Variants in PLEKHG1 observed in about 807,000 individuals in gnomAD.
PLEKHG1 encodes the protein pleckstrin homology domain-containing family G member 1.
PLEKHG1 carries 44 observed loss-of-function variants against 100.8 expected under a neutral mutation model. The observed-to-expected ratio is 0.44, with a 90% CI of 0.34 to 0.56. PLEKHG1 has a LOEUF of 0.56. PLEKHG1 is among the 20% of genes least tolerant of loss of function. The pLI is 0.01. For missense variants in PLEKHG1, 1,545 were observed against 1,720.9 expected, an observed-to-expected ratio of 0.90 and a Z score of 1.81; for synonymous variants, 640 against 662.5, an observed-to-expected ratio of 0.97 and a Z score of 0.52.
In PLEKHG1 at chr6:150,600,683, G is replaced by A. The variant is rs376012066; in HGVS notation, c.-204+666G>A. ...CCTGGGCGGCCGCGACTCTGCGAGC[G>A]TTCTGGCCTCGGCGGGCGGCGGGGA... is the stretch of plus-strand genomic sequence containing the variant. On this transcript the variant is annotated intron_variant, in intron 1 of 3. Coordinates refer to the PLEKHG1 transcript ENST00000367326. This position sits in a 1 kb window ranked among gnomAD's most constrained non-coding sequence, Gnocchi z 6.2. Among the ~76,000 whole-genome samples the A allele has an allele frequency of 1.1e-3, 175 of 152,388 alleles. 2 individuals carry two copies. The South Asian group carries it at 0.03, about 26-fold the overall frequency.
chr6:150,839,898 A>G (rs1443929782), exon 16 of PLEKHG1: 2 of 1,614,076 alleles, frequency 1.2e-6, no homozygotes, highest in Non-Finnish European at 1.7e-6. Context: ...TCCCTTGAAA[A>G]TTCAGAAGGA....
At chr6:150,828,902 C>T (rs2128685935) in intron 14 of PLEKHG1, among the ~76,000 whole-genome samples, 1 of 152,136 alleles carries the variant, frequency 6.6e-6, no homozygotes, top group Non-Finnish European at 1.5e-5. Context: ...ATGTGAAAAA[C>T]ATATATATGA....
chr6:150,613,850 C>T (rs1204441561), intron 1 of PLEKHG1, among the ~76,000 whole-genome samples: 1 of 152,206 alleles, frequency 6.6e-6, no homozygotes, highest in Non-Finnish European at 1.5e-5. Context: ...CCGAAAACAT[C>T]AGGCCACTGG....
intron 3 of PLEKHG1, among the ~76,000 whole-genome samples, chr6:150,682,741 G>A (rs1268242023): frequency 6.6e-6 from 1 of 152,112 alleles, no homozygotes; most frequent in Non-Finnish European, 1.5e-5. Flanking sequence ...GCTACCAGTG[G>A]GCAGCTCTGT....
intron 2 of PLEKHG1, among the ~76,000 whole-genome samples, chr6:150,757,117 C>T (rs11966279): frequency 0.04 from 6,146 of 152,218 alleles, 189 homozygotes; most frequent in African/African-American, 0.091. Context: ...CGTGTCTCAG[C>T]CTTCTGAGTA....
chr6:150,609,234 C>T (rs1776725103), intron 1 of PLEKHG1, among the ~76,000 whole-genome samples: 1 of 152,168 alleles, frequency 6.6e-6, no homozygotes, highest in African/African-American at 2.4e-5. Flanking sequence ...TTGAACAAAA[C>T]AGACCAAACC....
Position 150,631,136 on chromosome 6 carries a change from A to G in PLEKHG1, c.-203-6944A>G, listed in dbSNP as rs1472974431. 3.9e-5 allele frequency among the ~76,000 whole-genome samples: 6 copies of G among 152,226 alleles called. No individual in the cohort carries two copies. In the East Asian group the frequency reaches 9.6e-4, roughly 24 times the overall value. On this transcript the variant is annotated intron_variant, in intron 1 of 3. Coordinates refer to the PLEKHG1 transcript ENST00000367326. ...GAAAATCTATGCCCAGGAATCCACA[A>G]GCTCACTTGTGGAGCAGAGGTTTCT... is the stretch of plus-strand genomic sequence containing the variant.
chr6:150,602,581 T>C (rs1397191358), intron 1 of PLEKHG1, among the ~76,000 whole-genome samples: 1 of 152,204 alleles, frequency 6.6e-6, no homozygotes, highest in African/African-American at 2.4e-5. Context: ...CCTTTCCTCC[T>C]TTCTTCTCCG....
chr6:150,835,692 C>A (rs779089572), intron 15 of PLEKHG1, among the ~76,000 whole-genome samples: 19 of 152,162 alleles, frequency 1.2e-4, no homozygotes, highest in Non-Finnish European at 2.2e-4. Context: ...CCCTGTACAT[C>A]TGGCTAATAG....
intron 1 of PLEKHG1, among the ~76,000 whole-genome samples, chr6:150,624,481 C>T (rs546574874): frequency 6.6e-6 from 1 of 152,138 alleles, no homozygotes; most frequent in Non-Finnish European, 1.5e-5. Context: ...TATAGGACAG[C>T]CTCTTAAGAA....
chr6:150,717,223 A>G (rs557252307), upstream of PLEKHG1, among the ~76,000 whole-genome samples: 2 of 148,920 alleles, frequency 1.3e-5, no homozygotes, highest in East Asian at 4.0e-4. Context: ...TTTTTTTAGT[A>G]GATTCTGAGT....
At chr6:150,794,144 A>G (rs1562524072) in intron 4 of PLEKHG1, among the ~76,000 whole-genome samples, 1 of 152,174 alleles carries the variant, frequency 6.6e-6, no homozygotes, top group Non-Finnish European at 1.5e-5. Flanking sequence ...GCTGTGCCGC[A>G]CAGTGTGGTT....
Position 150,790,699 on chromosome 6 carries a change from G to A in PLEKHG1, c.582+4240G>A, listed in dbSNP as rs148104833. ...TTTGAATCAACTGTAGTATATCCAC[G>A]TAATGAAGTACTGTGAAGCAGTAAC... On this transcript the variant is annotated intron_variant, in intron 4 of 15. Transcript: ENST00000358517. Among the ~76,000 whole-genome samples, 29 of 152,314 alleles carry A rather than the reference G, an allele frequency of 1.9e-4. 1 individual carries two copies. The East Asian group carries it at 5.0e-3, about 26-fold the overall frequency.
chr6:150,716,543 G>C (rs1241174823), upstream of PLEKHG1, among the ~76,000 whole-genome samples: 1 of 152,006 alleles, frequency 6.6e-6, no homozygotes, highest in African/African-American at 2.4e-5. Flanking sequence ...CCAGCTTTTT[G>C]AGCTGTTGCC....
At chr6:150,817,522 C>T (rs1776039058) in intron 10 of PLEKHG1, among the ~76,000 whole-genome samples, 1 of 150,294 alleles carries the variant, frequency 6.7e-6, no homozygotes, top group Non-Finnish European at 1.5e-5. Flanking sequence ...GCTTTTGAGT[C>T]AGTAGATCAG....
chr6:150,626,504 C>G lies in PLEKHG1; in HGVS notation c.-203-11576C>G, dbSNP rs554300895. On this transcript the variant is annotated intron_variant, in intron 1 of 3. Transcript: ENST00000367326. The stretch of plus-strand genomic sequence containing the variant: ...AGAACATGTGCTCTGTCTCTGTTTA[C>G]TGCCGGGCTCTCCGGAGTGAAGGGT... 9.1e-3 allele frequency among the ~76,000 whole-genome samples: 1,381 copies of G among 152,318 alleles called. 27 individuals are homozygous for G. Among genetic ancestry groups the G allele is most frequent in the African/African-American group, 0.031 (1,309 of 41,564 alleles).
At chr6:150,820,925 C>G (rs1365822738) in intron 12 of PLEKHG1, among the ~76,000 whole-genome samples, 1 of 152,202 alleles carries the variant, frequency 6.6e-6, no homozygotes, top group East Asian at 1.9e-4. Context: ...GCTGAGGAAG[C>G]TGCTCTGCTA....
intron 3 of PLEKHG1, among the ~76,000 whole-genome samples, chr6:150,700,711 A>G (rs1406799477): frequency 6.6e-6 from 1 of 152,184 alleles, no homozygotes; most frequent in African/African-American, 2.4e-5. Context: ...ACTTCCTAGC[A>G]TTGCACATCC....
intron 2 of PLEKHG1, among the ~76,000 whole-genome samples, chr6:150,763,024 C>CTTCTTTTT (rs1784252828): frequency 2.6e-5 from 2 of 76,502 alleles, no homozygotes; most frequent in East Asian, 9.8e-4. Context: ...GATAAAGCTT[C>CTTCTTTTT]TTTTTTTTTT....
Sources: gnomAD v4.1 joint callset for allele counts (sites outside exome capture counted in the v4.1 genomes callset) on GRCh38, gnomAD v4.1.1 for gene constraint, Gnocchi (gnomAD v3.1) non-coding constraint, MANE v1.5 for transcripts, NCBI Gene and HGNC (gene_info 2026-07-23, HGNC 2026-07-21) for gene names.